Variants in KYNU observed in about 807,000 individuals in gnomAD.
KYNU encodes the protein kynureninase, also known as L-kynurenine hydrolase.
In KYNU, 54 loss-of-function variants were observed where a neutral mutation model predicts 59.2. The ratio of observed to expected loss-of-function variants is 0.91; its 90% confidence interval spans 0.73 to 1.14. The LOEUF is 1.14. KYNU is among the 50% of genes most tolerant of loss of function. The pLI is 0.00. For synonymous variants in KYNU, 177 were observed against 192.0 expected, an observed-to-expected ratio of 0.92 and a Z score of 0.65; for missense variants, 567 against 554.4, an observed-to-expected ratio of 1.02 and a Z score of -0.23.
intron 10 of KYNU, among the ~76,000 whole-genome samples, chr2:143,020,193 T>C (rs1686366286): frequency 6.6e-6 from 1 of 152,110 alleles, no homozygotes; most frequent in Non-Finnish European, 1.5e-5. Context: ...GCTTTTCTAG[T>C]TCCTTGAGGT....
chr2:143,007,762 T>C lies in KYNU; in HGVS notation c.902+21741T>C, dbSNP rs1217203918. ...AGTGGGGGCCAATATTCAACATTCTTAAAGAAAACAATTTTCAACCCAGAA... is the reference window on the plus strand; with the variant it reads ...AGTGGGGGCCAATATTCAACATTCTCAAAGAAAACAATTTTCAACCCAGAA... On this transcript the variant is annotated intron_variant, in intron 10 of 13. Transcript: ENST00000264170. Among the ~76,000 whole-genome samples the C allele has an allele frequency of 1.6e-5, 2 of 124,082 alleles. 1 individual carries two copies. Among genetic ancestry groups the C allele is most frequent in the African/African-American group, 7.3e-5 (2 of 27,580 alleles). The allele number at this position is 124,082 out of a possible 152,430, so 81.4% of individuals were successfully genotyped here. A position where few individuals can be genotyped will look rare whatever the true frequency, so the allele number is the denominator to read the frequency against.
chr2:142,953,261 A>T (rs1467235034), intron 4 of KYNU, among the ~76,000 whole-genome samples: 1 of 152,250 alleles, frequency 6.6e-6, no homozygotes, highest in Non-Finnish European at 1.5e-5. Flanking sequence ...TATGTAAAAC[A>T]TAGGGAAGGA....
intron 2 of KYNU, 96 bp downstream of exon 2, chr2:142,885,632 C>T (rs1031955338): frequency 5.1e-5 from 56 of 1,090,832 alleles, no homozygotes; most frequent in East Asian, 4.4e-4. Context: ...TGTTGTATTA[C>T]ATAATAGAGC....
At chr2:142,948,835 G>A (rs975671469) in intron 4 of KYNU, among the ~76,000 whole-genome samples, 3 of 152,140 alleles carry the variant, frequency 2.0e-5, no homozygotes, top group African/African-American at 7.2e-5. Flanking sequence ...GTCCCCCAAA[G>A]TCTTAACTCA....
At chr2:142,892,656 A>C (rs1681752157) in intron 2 of KYNU, among the ~76,000 whole-genome samples, 1 of 152,196 alleles carries the variant, frequency 6.6e-6, no homozygotes, top group Non-Finnish European at 1.5e-5. Context: ...TAAATACATG[A>C]AATACTCATT....
At chr2:142,925,605 C>A (rs963739537) in intron 3 of KYNU, among the ~76,000 whole-genome samples, 1 of 152,324 alleles carries the variant, frequency 6.6e-6, no homozygotes, top group East Asian at 1.9e-4. Context: ...AGCCCTATAG[C>A]TTCCAATAAA....
intron 12 of KYNU, among the ~76,000 whole-genome samples, chr2:143,036,613 T>C (rs1009898045): frequency 6.6e-6 from 1 of 152,240 alleles, no homozygotes; most frequent in African/African-American, 2.4e-5. Flanking sequence ...TTATTACAGC[T>C]AGCAGATATT....
At chr2:142,957,575 T>G in intron 6 of KYNU, 66 bp from the exon 7 acceptor site, 1 of 982,358 alleles carries the variant, frequency 1.0e-6, no homozygotes, top group South Asian at 1.3e-5. Flanking sequence ...ACTTTATTAT[T>G]TGTTATTTCA....
intron 6 of KYNU, among the ~76,000 whole-genome samples, chr2:142,956,786 T>C (rs1684178022): frequency 6.6e-6 from 1 of 152,104 alleles, no homozygotes; most frequent in African/African-American, 2.4e-5. Flanking sequence ...CTTTACTTGA[T>C]GATGAGTTGT....
chr2:143,021,884 A>G (rs1686419314), intron 10 of KYNU, among the ~76,000 whole-genome samples: 1 of 152,180 alleles, frequency 6.6e-6, no homozygotes, highest in Non-Finnish European at 1.5e-5. Context: ...TTTTCTTAAT[A>G]TTGAATATTG....
chr2:142,947,217 G>T (rs1021038700), intron 4 of KYNU: 1 of 1,550,538 alleles, frequency 6.4e-7, no homozygotes, highest in Admixed American at 2.0e-5. Flanking sequence ...GAAAACTTCA[G>T]TGGAGTTCTC....
At chr2:143,029,823 A>G in intron 11 of KYNU, 144 bp downstream of exon 11, 1 of 650,800 alleles carries the variant, frequency 1.5e-6, no homozygotes, top group Non-Finnish European at 2.8e-6. Context: ...AAGAAATGAC[A>G]TTTCCAGAGT....
chr2:142,923,955 T>C (rs967818357), intron 3 of KYNU, among the ~76,000 whole-genome samples: 8 of 152,234 alleles, frequency 5.3e-5, no homozygotes, highest in Non-Finnish European at 1.0e-4. Context: ...CAGAGAGATG[T>C]AGATGCCTCC....
intron 2 of KYNU, among the ~76,000 whole-genome samples, chr2:142,911,319 G>T (rs117549067): frequency 6.6e-6 from 1 of 151,708 alleles, no homozygotes; most frequent in Admixed American, 6.6e-5. Context: ...CTGTTTTTTC[G>T]CTGTTGCAAA....
intron 4 of KYNU, among the ~76,000 whole-genome samples, chr2:142,930,313 T>C (rs1315141667): frequency 6.6e-6 from 1 of 152,174 alleles, no homozygotes; most frequent in Admixed American, 6.5e-5. Flanking sequence ...CTGTTTAAAA[T>C]ACAATTAGAA....
At chr2:142,889,283 A>G (rs1275612463) in intron 2 of KYNU, among the ~76,000 whole-genome samples, 1 of 152,196 alleles carries the variant, frequency 6.6e-6, no homozygotes, top group Non-Finnish European at 1.5e-5. Context: ...ATGAAATATG[A>G]TCTAACCGTA....
intron 4 of KYNU, among the ~76,000 whole-genome samples, chr2:142,944,510 A>T (rs183073909): frequency 6.6e-6 from 1 of 152,222 alleles, no homozygotes; most frequent in Non-Finnish European, 1.5e-5. Context: ...AGATGATCTG[A>T]TAAAGTAAAG....
At chr2:142,962,929 G>A (rs560701393) in intron 8 of KYNU, among the ~76,000 whole-genome samples, 2 of 152,240 alleles carry the variant, frequency 1.3e-5, no homozygotes, top group East Asian at 3.9e-4. Flanking sequence ...AGAAATTAAA[G>A]GTGTCAATCA....
At chr2:142,928,568 A>C (rs1340684212) in intron 4 of KYNU, among the ~76,000 whole-genome samples, 1 of 152,136 alleles carries the variant, frequency 6.6e-6, no homozygotes, top group African/African-American at 2.4e-5. Context: ...CTGGAAGGGA[A>C]ATGGAGTGGG....
Sources: gnomAD v4.1 joint callset for allele counts (sites outside exome capture counted in the v4.1 genomes callset) on GRCh38, gnomAD v4.1.1 for gene constraint, MANE v1.5 for transcripts, NCBI Gene and HGNC (gene_info 2026-07-23, HGNC 2026-07-21) for gene names.